The following WWOX variants were observed in gnomAD, a reference collection of about 807,000 sequenced individuals.
WWOX encodes WW domain containing oxidoreductase.
WWOX carries 69 observed loss-of-function variants against 46.2 expected under a neutral mutation model. That is an observed-to-expected ratio of 1.49 (90% CI 1.23 to 1.82). The LOEUF (loss-of-function observed/expected upper bound fraction) is 1.82. Among genes scored for constraint, WWOX ranks in the 40% most tolerant of loss-of-function variants. The pLI, the probability that WWOX is intolerant of heterozygous loss-of-function variation, is 0.00. For missense variants in WWOX, 919 were observed against 542.6 expected (o/e 1.69, Z -6.89); for synonymous variants, 359 against 202.6 (o/e 1.77, Z -6.56).
intron 5 of WWOX, among the ~76,000 whole-genome samples, chr16:78,249,458 T>G (rs763266804): frequency 3.3e-5 from 5 of 152,210 alleles, no homozygotes; most frequent in Non-Finnish European, 7.3e-5. Context: ...AGTTTCTCCT[T>G]TATTTTAAAT....
intron 8 of WWOX, among the ~76,000 whole-genome samples, chr16:79,052,271 T>C (rs1173152499): frequency 6.6e-6 from 1 of 150,680 alleles, no homozygotes; most frequent in African/African-American, 2.4e-5. Flanking sequence ...TTGTCACCTA[T>C]GAGTGAGAAT....
At position 78,967,962 on chromosome 16, in the gene WWOX, C is replaced by G. The variant is rs1211313353; in HGVS notation, c.1057-243646C>G. On this transcript the variant is annotated intron_variant, in intron 8 of 8. Transcript: ENST00000566780. ...CACCCCCAGTTCTGTGTTTATACTT[C>G]TCATTTAGCCCATACCCCACTATAT... Among the ~76,000 whole-genome samples the G allele has an allele frequency of 3.3e-5, 5 of 152,224 alleles. No homozygotes were observed. In the South Asian group the frequency reaches 1.0e-3, roughly 31 times the overall value.
intron 1 of WWOX, among the ~76,000 whole-genome samples, chr16:78,105,696 A>G (rs931822269): frequency 1.3e-5 from 2 of 152,182 alleles, no homozygotes; most frequent in Non-Finnish European, 2.9e-5. Context: ...ATGAGGCTAC[A>G]TGTCTGAGGG....
At chr16:78,978,945 T>G (rs554301751) in intron 8 of WWOX, among the ~76,000 whole-genome samples, 29 of 152,102 alleles carry the variant, frequency 1.9e-4, no homozygotes, top group African/African-American at 7.0e-4. Context: ...CATTTTGATG[T>G]CCCTCCCCAC....
rs142094089 is a variant in WWOX at position 78,935,356 on chromosome 16, G to C, written c.1057-276252G>C. 3.3e-5 allele frequency among the ~76,000 whole-genome samples: 5 copies of C among 152,066 alleles called. No homozygotes were observed. The East Asian group carries it at 5.8e-4, about 18-fold the overall frequency. ...ATAGCAAAGACTTGGAACCAACTCA[G>C]ATGTTCATCAATGATAGACTGGATT... is the stretch of plus-strand genomic sequence containing the variant. On this transcript the variant is annotated intron_variant, in intron 8 of 8. Coordinates refer to ENST00000566780, the MANE Select transcript of WWOX (RefSeq NM_016373.4).
chr16:78,529,620 T>C (rs1280383656), intron 8 of WWOX, among the ~76,000 whole-genome samples: 2 of 151,980 alleles, frequency 1.3e-5, no homozygotes, highest in African/African-American at 2.4e-5. Context: ...GTGCATGCCA[T>C]CACACCTGGC....
intron 8 of WWOX, among the ~76,000 whole-genome samples, chr16:78,778,777 A>G (rs1025489522): frequency 6.6e-6 from 1 of 152,088 alleles, no homozygotes; most frequent in African/African-American, 2.4e-5. Flanking sequence ...GCCGTCCCCA[A>G]CCCTGAGCCA....
At chr16:78,148,462 T>C (rs2034284282) in intron 4 of WWOX, among the ~76,000 whole-genome samples, 1 of 152,204 alleles carries the variant, frequency 6.6e-6, no homozygotes, top group East Asian at 1.9e-4. Flanking sequence ...CTGTGTCTTC[T>C]TGAGAACCTT....
chr16:79,069,050 C>A (rs2048498439), intron 8 of WWOX, among the ~76,000 whole-genome samples: 1 of 152,070 alleles, frequency 6.6e-6, no homozygotes, highest in Non-Finnish European at 1.5e-5. Context: ...TTGGTAGAGT[C>A]ATTTGATCAG....
intron 8 of WWOX, among the ~76,000 whole-genome samples, chr16:78,893,602 T>G (rs1008135395): frequency 1.3e-5 from 2 of 152,192 alleles, no homozygotes; most frequent in African/African-American, 4.8e-5. Context: ...AATTTTTGCT[T>G]AAATGTTGCA....
At chr16:78,768,433 TACA>T (rs1462192898) in intron 8 of WWOX, among the ~76,000 whole-genome samples, 2 of 151,856 alleles carry the variant, frequency 1.3e-5, no homozygotes, top group Admixed American at 1.3e-4. Flanking sequence ...CTACTAAAAA[TACA>T]ACAATTAGCC....
At chr16:79,035,836 G>A (rs1299131513) in intron 8 of WWOX, among the ~76,000 whole-genome samples, 1 of 152,192 alleles carries the variant, frequency 6.6e-6, no homozygotes, top group African/African-American at 2.4e-5. Context: ...TGTGAACAGG[G>A]ATCCTGCCTC....
intron 8 of WWOX, among the ~76,000 whole-genome samples, chr16:78,749,579 G>A (rs888963908): frequency 2.0e-5 from 3 of 151,986 alleles, no homozygotes; most frequent in Non-Finnish European, 4.4e-5. Context: ...TTATTTCAGT[G>A]GGGAAAAAAA....
At chr16:78,710,126 G>A (rs2048408013) in intron 8 of WWOX, among the ~76,000 whole-genome samples, 1 of 152,152 alleles carries the variant, frequency 6.6e-6, no homozygotes, top group South Asian at 2.1e-4. Flanking sequence ...TACTCCTACA[G>A]GGATGTCTGC....
intron 8 of WWOX, among the ~76,000 whole-genome samples, chr16:78,677,646 A>T (rs191261005): frequency 6.6e-6 from 1 of 152,308 alleles, no homozygotes; most frequent in Admixed American, 6.5e-5. Flanking sequence ...TGCCTGGGGC[A>T]TGCATGTGGT....
intron 5 of WWOX, among the ~76,000 whole-genome samples, chr16:78,168,998 G>C (rs1454911314): frequency 2.0e-5 from 3 of 151,996 alleles, no homozygotes; most frequent in Admixed American, 2.0e-4. Flanking sequence ...GTCTTAAAAG[G>C]CCAATCCATT....
intron 8 of WWOX, among the ~76,000 whole-genome samples, chr16:79,084,670 C>A (rs1023659018): frequency 1.3e-5 from 2 of 152,208 alleles, no homozygotes; most frequent in Admixed American, 6.5e-5. Context: ...GCATCGGCCT[C>A]CCAAAGTGCT....
chr16:79,212,463 A>ATCATTC lies in WWOX; in HGVS notation c.*668_*673dup. 1 of 241,328 alleles carries ATCATTC rather than the reference A, an allele frequency of 4.1e-6. No homozygotes were observed. The highest frequency in any genetic ancestry group is 8.1e-6 in the Non-Finnish European group (1 of 123,000). The allele number at this position is 241,328 out of a possible 1,614,324, so 14.9% of individuals were successfully genotyped here. A position where few individuals can be genotyped will look rare whatever the true frequency, so the allele number is the denominator to read the frequency against. ...TTAGAGATTATAACAAATTTTTCAA[A>ATCATTC]TCATTCCTTAGATACCTTGAAAGGC... On this transcript the variant is annotated 3_prime_UTR_variant, in exon 9 of 9. Coordinates refer to ENST00000566780, the MANE Select transcript of WWOX (RefSeq NM_016373.4).
chr16:78,945,627 C>A (rs906486279), intron 8 of WWOX, among the ~76,000 whole-genome samples: 21 of 149,358 alleles, frequency 1.4e-4, no homozygotes, highest in African/African-American at 5.2e-4. Context: ...GATCTGACTA[C>A]TGGTTTTATT....
Sources: allele counts gnomAD v4.1 joint callset (sites outside exome capture counted in the v4.1 genomes callset), GRCh38; gene constraint gnomAD v4.1.1; transcripts MANE v1.5; gene names NCBI Gene and HGNC (gene_info 2026-07-23, HGNC 2026-07-21).